The following EIF5B variants were observed in gnomAD, a reference collection of about 807,000 sequenced individuals.
The protein encoded by EIF5B is eukaryotic translation initiation factor 5B.
In EIF5B, 47 loss-of-function variants were observed where a neutral mutation model predicts 147.5. The observed-to-expected ratio is 0.32, with a 90% confidence interval of 0.25 to 0.41. The LOEUF (loss-of-function observed/expected upper bound fraction) is 0.41. Among genes scored for constraint, EIF5B ranks in the 10% least tolerant of loss-of-function variants. The pLI, the probability that EIF5B is intolerant of heterozygous loss-of-function variation, is 1.00. For missense variants in EIF5B, 1,064 were observed against 1,413.2 expected (o/e 0.75, Z 3.96); for synonymous variants, 455 against 456.2 (o/e 1.00, Z 0.03).
intron 4 of EIF5B, 40 bp from the exon 5 acceptor site, chr2:99,363,605 T>C: frequency 6.4e-7 from 1 of 1,553,388 alleles, no homozygotes; most frequent in South Asian, 1.3e-5. Flanking sequence ...CAGGGAATTG[T>C]TTTTTCATTT....
chr2:99,369,986 CAAAA>C (rs959149817), intron 8 of EIF5B, among the ~76,000 whole-genome samples: 1 of 148,920 alleles, frequency 6.7e-6, no homozygotes, highest in African/African-American at 2.5e-5. Context: ...CAGTCCATCT[CAAAA>C]AAAAAGGAAG....
chr2:99,384,730 G>A (rs530204177), intron 14 of EIF5B, among the ~76,000 whole-genome samples: 6 of 152,298 alleles, frequency 3.9e-5, no homozygotes, highest in Admixed American at 1.3e-4. Flanking sequence ...AAGTCACTGC[G>A]GATGTGGTAG....
At position 99,394,901 on chromosome 2, in the gene EIF5B, T is replaced by G. The variant is rs1474961354; in HGVS notation, c.3254+18T>G. The G allele has an allele frequency of 6.5e-7, 1 of 1,548,552 alleles. No homozygotes were observed. The highest frequency in any genetic ancestry group is 1.2e-5 in the South Asian group (1 of 82,908). ...GAATTTAAGTAAGTTACTGTTTTTA[T>G]TTACTTTGAGTCTTTGTTAATGAAC... On this transcript the variant is annotated intron_variant, in intron 21 of 23. Transcript: ENST00000289371.
rs546861222 is a variant in EIF5B at position 99,359,101 on chromosome 2, G to A, written c.36-1135G>A. ...ACTGAGACCGGGAGCAGTGGCTCAC[G>A]CCTGTAATCCCAGCACTTTGGGAGG... On this transcript the variant is annotated intron_variant, in intron 1 of 23. Transcript: ENST00000289371. 9.9e-5 allele frequency among the ~76,000 whole-genome samples: 15 copies of A among 151,932 alleles called. No individual in the cohort carries two copies. The South Asian group carries it at 2.5e-3, about 25-fold the overall frequency.
rs1461069413 is a variant in EIF5B, at chr2:99,394,814, T to C, written c.3185T>C (p.Ile1062Thr). 6.2e-7 allele frequency: 1 copy of C among 1,612,500 alleles called. No homozygotes were observed. Reference protein sequence around the residue: ...LGVRIFSAEIIYHLFDAFTKY... With the variant: ...LGVRIFSAEITYHLFDAFTKY... ...GTTAGAATTTTTAGTGCAGAAATTATTTATCATTTATTTGATGCCTTTACA... is the reference window on the plus strand; with the variant it reads ...GTTAGAATTTTTAGTGCAGAAATTACTTATCATTTATTTGATGCCTTTACA... The change falls in exon 21 of 24, where the codon ATT becomes ACT. Residue 1062 changes from isoleucine (I) to threonine (T), a missense_variant. Ile to Thr is a moderately conservative substitution (Grantham distance 89). This residue lies in a region of EIF5B where 380 missense variants were observed against 715.6 expected (regional missense o/e 0.53). Coordinates refer to ENST00000289371, the MANE Select transcript of EIF5B (RefSeq NM_015904.4).
chr2:99,399,283 C>T lies in EIF5B; in HGVS notation c.3556-24C>T, dbSNP rs372988973. 6.8e-6 allele frequency: 11 copies of T among 1,609,084 alleles called. No individual in the cohort carries two copies. The African/African-American group carries it at 1.3e-4, about 20-fold the overall frequency. On this transcript the variant is annotated intron_variant, in intron 23 of 23. Coordinates refer to ENST00000289371, the MANE Select transcript of EIF5B (RefSeq NM_015904.4). ...GCACGTTTGTTATGTTCTGTTTACCCTGTTTGTGCCTCGGGCATTGCAGAT... is the reference window on the plus strand; with the variant it reads ...GCACGTTTGTTATGTTCTGTTTACCTTGTTTGTGCCTCGGGCATTGCAGAT...
chr2:99,399,429 G>T lies in EIF5B; in HGVS notation c.*15G>T, dbSNP rs758441277. On this transcript the variant is annotated 3_prime_UTR_variant, in exon 24 of 24. Coordinates refer to ENST00000289371, the MANE Select transcript of EIF5B (RefSeq NM_015904.4). The stretch of plus-strand genomic sequence containing the variant: ...AAATCATCTAATTTTTTCACATGGA[G>T]CAGGAACTGGAGTAAATGCAATACT... 4 of 1,608,766 alleles carry T rather than the reference G, an allele frequency of 2.5e-6. No individual in the cohort carries two copies. Among genetic ancestry groups the T allele is most frequent in the Admixed American group, 3.3e-5 (2 of 59,984 alleles).
intron 8 of EIF5B, among the ~76,000 whole-genome samples, chr2:99,370,505 G>A (rs1674425851): frequency 2.0e-5 from 3 of 152,170 alleles, no homozygotes; most frequent in Admixed American, 6.5e-5. Context: ...GTAGACCTCA[G>A]CCTAGCACTG....
At chr2:99,341,398 T>C (rs1231698618) in intron 1 of EIF5B, among the ~76,000 whole-genome samples, 1 of 152,224 alleles carries the variant, frequency 6.6e-6, no homozygotes, top group African/African-American at 2.4e-5. Context: ...AAACAGATTA[T>C]AGATTTTTGT....
intron 1 of EIF5B, among the ~76,000 whole-genome samples, chr2:99,346,760 C>T (rs1005762655): frequency 2.6e-5 from 4 of 151,438 alleles, no homozygotes; most frequent in Admixed American, 6.6e-5. Context: ...TTAGTAGAGA[C>T]GGGGTTTCAT....
At chr2:99,386,358 G>A (rs1674805540) in intron 14 of EIF5B, among the ~76,000 whole-genome samples, 1 of 152,098 alleles carries the variant, frequency 6.6e-6, no homozygotes, top group South Asian at 2.1e-4. Flanking sequence ...AGTTTTAAGA[G>A]TTCTTTATAC....
Position 99,401,160 on chromosome 2 carries a change from C to CA in EIF5B, c.*1747dup, listed in dbSNP as rs1675338769. 1 of 736,188 alleles carries CA rather than the reference C, an allele frequency of 1.4e-6. No individual in the cohort carries two copies. The highest frequency in any genetic ancestry group is 2.3e-6 in the Non-Finnish European group (1 of 440,898). 45.6% of individuals were successfully genotyped at this position (736,188 alleles called of 1,614,324 possible). On this transcript the variant is annotated 3_prime_UTR_variant, in exon 24 of 24. Transcript: ENST00000289371. ...AATTTAAAATTATAAAAACTCCGAG[C>CA]ATTACTATCATGCACTTTGCAAATA... is the stretch of plus-strand genomic sequence containing the variant.
intron 12 of EIF5B, among the ~76,000 whole-genome samples, chr2:99,381,674 T>C (rs1241426810): frequency 1.3e-5 from 2 of 152,138 alleles, no homozygotes; most frequent in East Asian, 1.9e-4. Context: ...TATGACGTTA[T>C]TTGAATACAA....
At chr2:99,394,030 T>C (rs1036913658) in intron 18 of EIF5B, among the ~76,000 whole-genome samples, 1 of 152,238 alleles carries the variant, frequency 6.6e-6, no homozygotes, top group African/African-American at 2.4e-5. Flanking sequence ...GAGCGGAGAT[T>C]AAACATATTT....
rs74430561 is a variant in EIF5B at position 99,363,661 on chromosome 2, C to T, written c.936C>T (p.Asp312=). 6.4e-7 allele frequency: 1 copy of T among 1,560,404 alleles called. No individual in the cohort carries two copies. Among genetic ancestry groups the T allele is most frequent in the Non-Finnish European group, 8.6e-7 (1 of 1,161,490 alleles). Residue 312 remains aspartate (D), a synonymous_variant, in exon 5 of 24, where the codon GAC becomes GAT. Coordinates refer to ENST00000289371, the MANE Select transcript of EIF5B (RefSeq NM_015904.4). ...PTAAEDDNEG[D]KKKKDKKKKK... is the part of the protein sequence containing the mutation. The stretch of plus-strand genomic sequence containing the variant: ...TTTTGGTAGATGACAATGAAGGAGA[C>T]AAAAAGAAGAAAGATAAGAAGAAAA...
intron 21 of EIF5B, among the ~76,000 whole-genome samples, chr2:99,395,832 G>C (rs552589874): frequency 1.1e-3 from 162 of 152,316 alleles, no homozygotes; most frequent in Non-Finnish European, 1.9e-3. Flanking sequence ...GTGCGAGGCA[G>C]AGTGACCAGA....
chr2:99,361,346 A>G lies in EIF5B; in HGVS notation c.445A>G (p.Lys149Glu). Residue 149 changes from lysine to glutamate, a missense_variant, in exon 4 of 24, where the codon AAA (lysine) becomes GAA (glutamate). By Grantham distance (56) the Lys-to-Glu change is moderately conservative. Around this residue, in one of 4 missense-constraint regions of EIF5B, gnomAD observed 458 missense variants for 451.3 expected, o/e 1.01. Transcript: ENST00000289371. ...DDDDFNKLPKKAKGKAQKSNK... is the reference protein window; with the variant it reads ...DDDDFNKLPKEAKGKAQKSNK... ...TGATGATTTTAACAAACTTCCTAAA[A>G]AAGCTAAAGGGAAAGCTCAAAAATC... 2 of 1,610,738 alleles carry G rather than the reference A, an allele frequency of 1.2e-6. No individual in the cohort carries two copies. Among genetic ancestry groups the G allele is most frequent in the Non-Finnish European group, 1.7e-6 (2 of 1,179,226 alleles).
chr2:99,370,261 T>A (rs746110312), intron 8 of EIF5B, among the ~76,000 whole-genome samples: 15 of 149,324 alleles, frequency 1.0e-4, no homozygotes, highest in Admixed American at 6.0e-4. Context: ...TCTCTGGTTT[T>A]AAAAAAAAAA....
intron 9 of EIF5B, among the ~76,000 whole-genome samples, chr2:99,373,951 C>G (rs1276545816): frequency 1.3e-5 from 2 of 152,074 alleles, no homozygotes; most frequent in East Asian, 3.9e-4. Flanking sequence ...AATGCAGGGA[C>G]TTTAGAGTAC....
Sources: gnomAD v4.1 joint callset for allele counts (sites outside exome capture counted in the v4.1 genomes callset) on GRCh38, gnomAD v4.1.1 for gene constraint, gnomAD v4.1.1 regional missense constraint, MANE v1.5 for transcripts, NCBI Gene and HGNC (gene_info 2026-07-23, HGNC 2026-07-21) for gene names.